HHAT: variants seen among roughly 807,000 people sequenced by gnomAD.
The protein encoded by HHAT is protein-cysteine N-palmitoyltransferase HHAT.
In HHAT, 47 loss-of-function variants were observed where a neutral mutation model predicts 70.8. The observed-to-expected ratio is 0.66, with a 90% CI of 0.53 to 0.85. The LOEUF (loss-of-function observed/expected upper bound fraction) is 0.85. HHAT is among the 40% of genes least tolerant of loss of function. HHAT has a pLI of 0.00. For missense variants in HHAT, 609 were observed against 604.8 expected, an observed-to-expected ratio of 1.01 and a Z score of -0.07; for synonymous variants, 228 against 247.6, an observed-to-expected ratio of 0.92 and a Z score of 0.74.
At chr1:210,497,119 T>G (rs963791903) in intron 8 of HHAT, among the ~76,000 whole-genome samples, 7 of 152,206 alleles carry the variant, frequency 4.6e-5, no homozygotes, top group Non-Finnish European at 1.0e-4. Context: ...AAATTCTACC[T>G]GGAGATAAAT....
chr1:210,405,202 G>C (rs2092278832), intron 6 of HHAT, among the ~76,000 whole-genome samples: 1 of 152,168 alleles, frequency 6.6e-6, no homozygotes, highest in Non-Finnish European at 1.5e-5. Flanking sequence ...AGTGGTGTGT[G>C]TTCATGTCTG....
chr1:210,665,613 G>A (rs1411818838), intron 11 of HHAT, among the ~76,000 whole-genome samples: 1 of 152,226 alleles, frequency 6.6e-6, no homozygotes, highest in Non-Finnish European at 1.5e-5. Context: ...TTGGTGGAAG[G>A]AGGGAGGAAG....
chr1:210,655,738 T>G (rs553604080), intron 11 of HHAT, among the ~76,000 whole-genome samples: 2 of 152,320 alleles, frequency 1.3e-5, no homozygotes, highest in African/African-American at 4.8e-5. Flanking sequence ...CATTTAAAAA[T>G]TTGCCATTTC....
chr1:210,620,998 C>T (rs1054418688), intron 10 of HHAT, among the ~76,000 whole-genome samples: 3 of 151,812 alleles, frequency 2.0e-5, no homozygotes, highest in Non-Finnish European at 4.4e-5. Context: ...GCTGGGGCCT[C>T]AGGGCTGGAC....
At chr1:210,618,858 A>G (rs758857091) in intron 10 of HHAT, among the ~76,000 whole-genome samples, 1 of 152,230 alleles carries the variant, frequency 6.6e-6, no homozygotes, top group Non-Finnish European at 1.5e-5. Flanking sequence ...ACAGGAAGCC[A>G]TGGACACCTC....
intron 1 of HHAT, among the ~76,000 whole-genome samples, chr1:210,345,323 GTC>G (rs1230702270): frequency 1.3e-5 from 2 of 152,148 alleles, no homozygotes; most frequent in Non-Finnish European, 2.9e-5. Context: ...AATTTGTAAA[GTC>G]TATGATAATC....
chr1:210,368,284 G>A, intron 3 of HHAT, among the ~76,000 whole-genome samples: 1 of 152,144 alleles, frequency 6.6e-6, no homozygotes, highest in East Asian at 1.9e-4. Flanking sequence ...TGCTACATCT[G>A]AGAAAATAAT....
At chr1:210,458,290 G>A (rs957944170) in intron 7 of HHAT, among the ~76,000 whole-genome samples, 2 of 152,174 alleles carry the variant, frequency 1.3e-5, no homozygotes, top group African/African-American at 4.8e-5. Flanking sequence ...ATACATGAAA[G>A]TGCATTCATT....
chr1:210,564,085 C>T (rs918097324), intron 9 of HHAT, among the ~76,000 whole-genome samples: 1 of 150,974 alleles, frequency 6.6e-6, no homozygotes, highest in South Asian at 2.1e-4. Flanking sequence ...TCCTGAGTAG[C>T]TGGGGTTACA....
chr1:210,335,318 G>GGAAA lies in HHAT; in HGVS notation c.-44+6214_-44+6215insGAAA, dbSNP rs1553311769. The stretch of plus-strand genomic sequence containing the variant: ...ATACAACTCAGCACCCATTCATGAT[G>GGAAA]AAAAAAAAAAAAGCCTCTTTGCAAG... On this transcript the variant is annotated intron_variant, in intron 1 of 11. Transcript: ENST00000261458. Among the ~76,000 whole-genome samples, 430 of 145,718 alleles carry GGAAA rather than the reference G, an allele frequency of 3.0e-3. 4 individuals carry two copies. The highest frequency in any genetic ancestry group is 0.01 in the African/African-American group (408 of 39,732).
At chr1:210,389,040 C>T (rs1419766526) in intron 4 of HHAT, among the ~76,000 whole-genome samples, 1 of 152,074 alleles carries the variant, frequency 6.6e-6, no homozygotes, top group East Asian at 1.9e-4. Context: ...TTCACTGCAT[C>T]TTCATTTATG....
intron 7 of HHAT, chr1:210,439,795 G>GA (rs1323772411): frequency 6.6e-6 from 1 of 151,956 alleles, no homozygotes; most frequent in Non-Finnish European, 1.5e-5. Flanking sequence ...TACACAGGGA[G>GA]AAAGGGGCTG....
intron 11 of HHAT, among the ~76,000 whole-genome samples, chr1:210,626,744 G>A (rs1558305273): frequency 6.6e-6 from 1 of 151,776 alleles, no homozygotes; most frequent in African/African-American, 2.4e-5. Context: ...ATGTTTTGGT[G>A]AAAAAAAATA....
chr1:210,328,321 A>T (rs1282915415), upstream of HHAT: 5 of 152,228 alleles, frequency 3.3e-5, no homozygotes, highest in Non-Finnish European at 7.3e-5. Context: ...GAGCATCTTC[A>T]GATCTTCCAC....
At chr1:210,575,266 T>C (rs763197166) in intron 9 of HHAT, among the ~76,000 whole-genome samples, 1 of 152,090 alleles carries the variant, frequency 6.6e-6, no homozygotes, top group Non-Finnish European at 1.5e-5. Context: ...TCCTTTGGCC[T>C]AGGGAAGCTT....
chr1:210,632,814 G>A (rs1671133185), intron 11 of HHAT, among the ~76,000 whole-genome samples: 1 of 152,130 alleles, frequency 6.6e-6, no homozygotes, highest in Admixed American at 6.5e-5. Flanking sequence ...AGACTCTGGT[G>A]TCCTTATAAA....
At chr1:210,671,844 C>T (rs1470037568) in intron 11 of HHAT, among the ~76,000 whole-genome samples, 2 of 152,234 alleles carry the variant, frequency 1.3e-5, no homozygotes, top group Non-Finnish European at 2.9e-5. Flanking sequence ...GGGGCTGGTC[C>T]TGGAGCCAGG....
Position 210,340,484 on chromosome 1 carries a change from C to G in HHAT, c.-43-8449C>G, listed in dbSNP as rs2085945700. On this transcript the variant is annotated intron_variant, in intron 1 of 11. Transcript: ENST00000261458. Reference sequence around the variant, plus strand: ...TTAAAGCCGTTGTCATTTCAGTGGGCATGTGCTTCTTTCACTTTTATTGCT... The same window carrying G: ...TTAAAGCCGTTGTCATTTCAGTGGGGATGTGCTTCTTTCACTTTTATTGCT... 2.0e-5 allele frequency among the ~76,000 whole-genome samples: 3 copies of G among 152,132 alleles called. No homozygotes were observed. The South Asian group carries it at 6.2e-4, about 31-fold the overall frequency.
At chr1:210,669,942 G>A (rs1283376280) in intron 11 of HHAT, among the ~76,000 whole-genome samples, 2 of 152,072 alleles carry the variant, frequency 1.3e-5, no homozygotes, top group African/African-American at 4.8e-5. Context: ...AATGGGGGTT[G>A]GGAGTCTCAC....
Sources: gnomAD v4.1 joint callset for allele counts (sites outside exome capture counted in the v4.1 genomes callset) on GRCh38, gnomAD v4.1.1 for gene constraint, MANE v1.5 for transcripts, NCBI Gene and HGNC (gene_info 2026-07-23, HGNC 2026-07-21) for gene names.